SREK1: variants seen among roughly 807,000 people sequenced by gnomAD.
SREK1 encodes splicing regulatory glutamic acid and lysine rich protein 1.
Under a neutral mutation model 66.5 loss-of-function variants are expected in SREK1, and 13 were observed. The ratio of observed to expected loss-of-function variants is 0.20; its 90% CI spans 0.13 to 0.31. SREK1 has a LOEUF of 0.31. SREK1 is among the 10% of genes least tolerant of loss of function. The pLI is 1.00. For missense variants in SREK1, 607 were observed against 769.6 expected (o/e 0.79, Z 2.50); for synonymous variants, 265 against 263.5 (o/e 1.01, Z -0.05).
rs757814442 is a variant in SREK1, at chr5:66,177,644, A to C, written c.1711A>C (p.Ser571Arg). ...RDGKEKLEKN[S>R]TSLKEKEHNK... The stretch of plus-strand genomic sequence containing the variant: ...TGGGAAGGAGAAGTTGGAGAAGAAC[A>C]GTACTTCACTTAAAGTAAGCAGCAG... The change falls in exon 11 of 12, where the codon AGT (serine) becomes CGT (arginine). Residue 571 changes from serine (S) to arginine (R), a missense_variant. Physicochemically the swap from Ser to Arg is moderately radical, Grantham distance 110 (BLOSUM62 -1). Coordinates refer to ENST00000334121, the MANE Select transcript of SREK1 (RefSeq NM_001077199.3). 2.2e-5 allele frequency: 35 copies of C among 1,597,666 alleles called. No homozygotes were observed. The highest frequency in any genetic ancestry group is 2.8e-5 in the Non-Finnish European group (33 of 1,174,890).
chr5:66,145,142 C>T, intron 1 of SREK1: 4 of 985,522 alleles, frequency 4.1e-6, no homozygotes, highest in Non-Finnish European at 4.8e-6. Context: ...ATTAAATTTT[C>T]CTCCTGAAAG....
At chr5:66,170,507 AT>A in intron 8 of SREK1, 77 bp from the exon 9 acceptor site, 1 of 1,480,362 alleles carries the variant, frequency 6.8e-7, no homozygotes, top group Non-Finnish European at 9.1e-7. Context: ...TGTGTTGGTA[AT>A]TGTTGAAGAG....
chr5:66,176,496 C>T (rs565386825), intron 10 of SREK1, among the ~76,000 whole-genome samples: 20 of 151,856 alleles, frequency 1.3e-4, no homozygotes, highest in Non-Finnish European at 2.4e-4. Flanking sequence ...CAGTTGCATT[C>T]GATTTATAAA....
chr5:66,163,991 T>G, intron 6 of SREK1, 69 bp downstream of exon 6: 1 of 1,520,498 alleles, frequency 6.6e-7, no homozygotes, highest in Non-Finnish European at 8.9e-7. Context: ...GGAAGGAATT[T>G]TAGAAATCAT....
intron 3 of SREK1, among the ~76,000 whole-genome samples, chr5:66,160,283 G>A (rs1744643399): frequency 6.6e-6 from 1 of 152,146 alleles, no homozygotes; most frequent in African/African-American, 2.4e-5. Flanking sequence ...CTAGCTTTGT[G>A]GTGTTGGATA....
At chr5:66,164,137 G>C (rs1050697118) in intron 6 of SREK1, 3 of 488,200 alleles carry the variant, frequency 6.1e-6, no homozygotes, top group Admixed American at 7.8e-5. Flanking sequence ...TTTAGTCTGA[G>C]CTAATCAGCT....
At chr5:66,145,422 A>G (rs1336697887) in intron 1 of SREK1, among the ~76,000 whole-genome samples, 1 of 152,054 alleles carries the variant, frequency 6.6e-6, no homozygotes, top group East Asian at 1.9e-4. Context: ...TTTGTTCATT[A>G]TATCAAAATC....
intron 1 of SREK1, among the ~76,000 whole-genome samples, chr5:66,147,406 A>G (rs1454495967): frequency 6.6e-6 from 1 of 152,214 alleles, no homozygotes; most frequent in African/African-American, 2.4e-5. Context: ...AGAGAAGTGC[A>G]CAGGTCGTAA....
intron 7 of SREK1, chr5:66,166,960 C>T (rs1246883718): frequency 6.6e-6 from 1 of 152,146 alleles, no homozygotes; most frequent in Non-Finnish European, 1.5e-5. Context: ...CCACTATCCC[C>T]CAGAAATCAG....
chr5:66,165,106 C>CT, intron 7 of SREK1: 1 of 434,828 alleles, frequency 2.3e-6, no homozygotes, highest in Non-Finnish European at 4.0e-6. Context: ...AATATTTGAA[C>CT]TTATCTTTAT....
chr5:66,156,429 A>T (rs1320316052), intron 2 of SREK1: 1 of 1,073,454 alleles, frequency 9.3e-7, no homozygotes, highest in Non-Finnish European at 1.1e-6. Context: ...GCAAATTTTC[A>T]TGTGGTAAAT....
rs532137000 is a variant in SREK1 at position 66,164,122 on chromosome 5, G to A, written c.886+200G>A. 13 of 563,300 alleles carry A rather than the reference G, an allele frequency of 2.3e-5. No individual in the cohort carries two copies. The African/African-American group carries it at 2.5e-4, about 11-fold the overall frequency. The allele number at this position is 563,300 out of a possible 1,614,324, so 34.9% of individuals were successfully genotyped here. A position where few individuals can be genotyped will look rare whatever the true frequency, so the allele number is the denominator to read the frequency against. On this transcript the variant is annotated intron_variant, in intron 6 of 11. Coordinates refer to ENST00000334121, the MANE Select transcript of SREK1 (RefSeq NM_001077199.3). ...ATCTCTTTCTGTGATACTGAATTGA[G>A]GCACTTTAGTCTGAGCTAATCAGCT...
At chr5:66,161,007 C>A (rs1350265821) in intron 3 of SREK1, among the ~76,000 whole-genome samples, 1 of 152,142 alleles carries the variant, frequency 6.6e-6, no homozygotes, top group East Asian at 1.9e-4. Context: ...ATAGAAAGAT[C>A]ATTCAAAGTT....
intron 8 of SREK1, 76 bp from the exon 9 acceptor site, chr5:66,170,509 T>G: frequency 4.0e-6 from 6 of 1,486,488 alleles, no homozygotes; most frequent in Non-Finnish European, 5.4e-6. Flanking sequence ...TGTTGGTAAT[T>G]GTTGAAGAGA....
intron 7 of SREK1, chr5:66,166,676 C>T (rs1304166090): frequency 6.6e-6 from 1 of 151,984 alleles, no homozygotes; most frequent in Non-Finnish European, 1.5e-5. Context: ...ATCATACTGC[C>T]CAGGTTGGTC....
At chr5:66,167,957 C>T (rs1017391916) in intron 7 of SREK1, 3 of 152,006 alleles carry the variant, frequency 2.0e-5, no homozygotes, top group Admixed American at 2.0e-4. Context: ...GCAGTTTTGC[C>T]TTAACATCTA....
At chr5:66,171,085 G>C in intron 9 of SREK1, 138 bp downstream of exon 9, 2 of 1,072,130 alleles carry the variant, frequency 1.9e-6, no homozygotes, top group East Asian at 2.7e-5. Flanking sequence ...CCTAATTTCA[G>C]AGTAAACATT....
At chr5:66,157,811 C>A (rs1320086961) in intron 2 of SREK1, 3 of 637,176 alleles carry the variant, frequency 4.7e-6, no homozygotes, top group East Asian at 1.4e-4. Context: ...ATAAATAAGG[C>A]ATAGCCATTA....
At chr5:66,160,292 T>C (rs1402248551) in intron 3 of SREK1, among the ~76,000 whole-genome samples, 2 of 152,198 alleles carry the variant, frequency 1.3e-5, no homozygotes, top group Non-Finnish European at 2.9e-5. Context: ...TGGTGTTGGA[T>C]AGGAATTGAA....
Sources: allele counts gnomAD v4.1 joint callset (sites outside exome capture counted in the v4.1 genomes callset), GRCh38; gene constraint gnomAD v4.1.1; transcripts MANE v1.5; gene names NCBI Gene and HGNC (gene_info 2026-07-23, HGNC 2026-07-21).